The following NFIB variants were observed in gnomAD, a reference collection of about 807,000 sequenced individuals.
NFIB encodes the protein nuclear factor 1 B-type.
A neutral mutation model predicts 61.5 loss-of-function variants in NFIB; 11 were observed. The observed-to-expected ratio is 0.18, with a 90% CI of 0.11 to 0.30. The LOEUF is 0.30. Among genes scored for constraint, NFIB ranks in the 10% least tolerant of loss-of-function variants. The pLI is 1.00. For missense variants in NFIB, 471 were observed against 608.9 expected (o/e 0.77, Z 2.38); for synonymous variants, 260 against 216.5 (o/e 1.20, Z -1.76).
the NFIB span, among the ~76,000 whole-genome samples, chr9:14,513,344 T>C: frequency 6.6e-6 from 1 of 152,128 alleles, no homozygotes; most frequent in African/African-American, 2.4e-5. Context: ...GAAACAGAAA[T>C]GAAGGCCGGG....
At chr9:14,202,661 C>CT (rs1353211358) in intron 2 of NFIB, among the ~76,000 whole-genome samples, 5 of 152,112 alleles carry the variant, frequency 3.3e-5, no homozygotes, top group African/African-American at 1.2e-4. Flanking sequence ...TTCTACGTTT[C>CT]TTGTCTTTTA....
At chr9:14,278,121 GA>G (rs2058127233) in intron 2 of NFIB, among the ~76,000 whole-genome samples, 1 of 152,098 alleles carries the variant, frequency 6.6e-6, no homozygotes, top group Non-Finnish European at 1.5e-5. Context: ...CCATCCTGAT[GA>G]CCAGTATGTC....
chr9:14,165,879 A>G (rs2044730418), intron 3 of NFIB, among the ~76,000 whole-genome samples: 1 of 152,182 alleles, frequency 6.6e-6, no homozygotes, highest in African/African-American at 2.4e-5. Context: ...CTGTTATTTA[A>G]CAGGTATTGA....
chr9:14,473,787 AT>A, the NFIB span, among the ~76,000 whole-genome samples: 25 of 152,288 alleles, frequency 1.6e-4, no homozygotes, highest in South Asian at 4.1e-4. Flanking sequence ...GGCCCGCATG[AT>A]TTTTTTATGT....
At chr9:14,262,746 A>C (rs1232021030) in intron 2 of NFIB, among the ~76,000 whole-genome samples, 2 of 152,220 alleles carry the variant, frequency 1.3e-5, no homozygotes, top group Non-Finnish European at 2.9e-5. Context: ...ATACGCGTCA[A>C]GAGTCACTGG....
At chr9:14,295,081 G>C (rs188407605) in intron 2 of NFIB, among the ~76,000 whole-genome samples, 15 of 152,294 alleles carry the variant, frequency 9.8e-5, no homozygotes, top group Non-Finnish European at 1.8e-4. Context: ...CAAAAGTGAA[G>C]TCAATTTCAG....
intron 2 of NFIB, among the ~76,000 whole-genome samples, chr9:14,293,639 A>T (rs532718000): frequency 2.9e-4 from 44 of 152,338 alleles, no homozygotes; most frequent in African/African-American, 1.0e-3. Context: ...TGAACTAAAG[A>T]ATAAGACTGG....
At chr9:14,411,830 C>A in the NFIB span, among the ~76,000 whole-genome samples, 1 of 152,168 alleles carries the variant, frequency 6.6e-6, no homozygotes, top group East Asian at 1.9e-4. Flanking sequence ...GAAGTCACTT[C>A]TGAGACTAGG....
rs140965803 is a variant in NFIB, at chr9:14,231,922, A to G, written c.563-52142T>C. Among the ~76,000 whole-genome samples, 1,024 of 152,354 alleles carry G rather than the reference A, an allele frequency of 6.7e-3. 3 individuals carry two copies. Among genetic ancestry groups the G allele is most frequent in the African/African-American group, 0.016 (656 of 41,572 alleles). ...AAATCTCATTTTTCCCCTTCTTCACAAAATATACTATTACAGGACTTAAAG... is the reference window on the plus strand; with the variant it reads ...AAATCTCATTTTTCCCCTTCTTCACGAAATATACTATTACAGGACTTAAAG... On this transcript the variant is annotated intron_variant, in intron 2 of 10. Coordinates refer to ENST00000380953, the MANE Select transcript of NFIB (RefSeq NM_001190737.2).
At chr9:14,174,004 T>C (rs894510281) in intron 3 of NFIB, among the ~76,000 whole-genome samples, 1 of 152,208 alleles carries the variant, frequency 6.6e-6, no homozygotes, top group African/African-American at 2.4e-5. Flanking sequence ...CTGAGGGCTA[T>C]GCGTTCTTCT....
intron 2 of NFIB, among the ~76,000 whole-genome samples, chr9:14,196,313 T>G (rs571500242): frequency 6.6e-6 from 1 of 152,168 alleles, no homozygotes; most frequent in Non-Finnish European, 1.5e-5. Context: ...CTCTAGAACT[T>G]TGAAAATCAA....
intron 9 of NFIB, among the ~76,000 whole-genome samples, chr9:14,114,838 C>CT (rs2037887862): frequency 6.6e-6 from 1 of 152,108 alleles, no homozygotes; most frequent in Non-Finnish European, 1.5e-5. Context: ...AAAAAAAAAT[C>CT]TTTGTTTTCT....
chr9:14,341,045 A>G (rs2060943520), intron 1 of NFIB, among the ~76,000 whole-genome samples: 1 of 152,168 alleles, frequency 6.6e-6, no homozygotes, highest in South Asian at 2.1e-4. Context: ...TAGATGAGGA[A>G]TGTAGGTCAA....
chr9:14,377,115 A>C (rs962497103), intron 1 of NFIB, among the ~76,000 whole-genome samples: 1 of 152,218 alleles, frequency 6.6e-6, no homozygotes, highest in African/African-American at 2.4e-5. Context: ...GAAGAGATAT[A>C]CTCTGCATGC....
chr9:14,514,545 C>T, the NFIB span, among the ~76,000 whole-genome samples: 2 of 152,210 alleles, frequency 1.3e-5, no homozygotes, highest in African/African-American at 4.8e-5. Flanking sequence ...AATCTTACCT[C>T]TAAAGCTAAT....
At chr9:14,209,100 AT>A (rs987032367) in intron 2 of NFIB, among the ~76,000 whole-genome samples, 1 of 152,240 alleles carries the variant, frequency 6.6e-6, no homozygotes, top group Non-Finnish European at 1.5e-5. Context: ...TGAATCATCA[AT>A]ACATCACAGC....
At chr9:14,361,565 A>G (rs2061241797) in intron 1 of NFIB, 1 of 152,218 alleles carries the variant, frequency 6.6e-6, no homozygotes, top group Non-Finnish European at 1.5e-5. Flanking sequence ...GATTTCACTA[A>G]TGACATATAG....
chr9:14,300,640 C>G (rs150461156), intron 2 of NFIB, among the ~76,000 whole-genome samples: 1 of 152,182 alleles, frequency 6.6e-6, no homozygotes, highest in Non-Finnish European at 1.5e-5. Context: ...ATAACTACTT[C>G]TTTGATTATA....
At chr9:14,308,913 A>C (rs180697746) in intron 1 of NFIB, among the ~76,000 whole-genome samples, 7 of 152,250 alleles carry the variant, frequency 4.6e-5, no homozygotes, top group African/African-American at 1.7e-4. Context: ...ATTTAGGTAA[A>C]ACCTGTCTTA....
Sources: gnomAD v4.1 joint callset for allele counts (sites outside exome capture counted in the v4.1 genomes callset) on GRCh38, gnomAD v4.1.1 for gene constraint, MANE v1.5 for transcripts, NCBI Gene and HGNC (gene_info 2026-07-23, HGNC 2026-07-21) for gene names.